Variants in CTNNA2 observed in about 807,000 individuals in gnomAD.
CTNNA2 encodes the protein catenin alpha-2.
CTNNA2 carries 42 observed loss-of-function variants against 101.0 expected under a neutral mutation model. The ratio of observed to expected loss-of-function variants is 0.42; its 90% confidence interval spans 0.32 to 0.54. The LOEUF (loss-of-function observed/expected upper bound fraction) is 0.54, where lower values mean the gene tolerates loss of function less well. CTNNA2 is among the 20% of genes least tolerant of loss of function. The pLI, the probability that CTNNA2 is intolerant of heterozygous loss-of-function variation, is 0.14. For missense variants in CTNNA2, 871 were observed against 1,223.1 expected (o/e 0.71, Z 4.29); for synonymous variants, 450 against 456.4 (o/e 0.99, Z 0.18).
intron 3 of CTNNA2, among the ~76,000 whole-genome samples, chr2:79,752,273 C>T (rs1287067753): frequency 6.6e-6 from 1 of 152,042 alleles, no homozygotes; most frequent in Non-Finnish European, 1.5e-5. Flanking sequence ...TGAAAAATAT[C>T]CAGCGAACAA....
chr2:79,486,686 C>T (rs1671161892), intron 4 of CTNNA2, among the ~76,000 whole-genome samples: 1 of 152,208 alleles, frequency 6.6e-6, no homozygotes, highest in African/African-American at 2.4e-5. Context: ...TTTACAGTCC[C>T]ACCAACTGTG....
At chr2:80,544,961 C>G in intron 9 of CTNNA2, 21 bp from the exon 10 acceptor site, 10 of 1,609,030 alleles carry the variant, frequency 6.2e-6, no homozygotes, top group Non-Finnish European at 8.5e-6. Context: ...CTAATATTCA[C>G]TAAAATCCTC....
Position 79,909,773 on chromosome 2 carries a change from C to T in CTNNA2, c.1032C>T (p.Asp344=). ...ACGCCGTGCGGCAGGCGCTCCAGGACCTGCTCAGCGAGTACATGAATAATG... is the reference window on the plus strand; with the variant it reads ...ACGCCGTGCGGCAGGCGCTCCAGGATCTGCTCAGCGAGTACATGAATAATG... ...ECNAVRQALQ[D]LLSEYMNNTG... The change falls in exon 7 of 19, where the codon GAC becomes GAT. Residue 344 remains aspartate, a synonymous_variant. Coordinates refer to ENST00000402739, the MANE Select transcript of CTNNA2 (RefSeq NM_001282597.3). The T allele has an allele frequency of 1.2e-6, 2 of 1,610,608 alleles. No homozygotes were observed. Among genetic ancestry groups the T allele is most frequent in the South Asian group, 1.1e-5 (1 of 90,532 alleles).
chr2:79,579,272 T>C (rs1445210724), intron 1 of CTNNA2, among the ~76,000 whole-genome samples: 2 of 142,524 alleles, frequency 1.4e-5, no homozygotes, highest in African/African-American at 5.1e-5. Flanking sequence ...CCTTCCTTCC[T>C]TCCTTCCTTC....
intron 4 of CTNNA2, among the ~76,000 whole-genome samples, chr2:79,497,431 C>G (rs1173941101): frequency 6.6e-6 from 1 of 152,208 alleles, no homozygotes; most frequent in Non-Finnish European, 1.5e-5. Context: ...TTTGTTCCTG[C>G]TGCTGTCATC....
At chr2:79,926,235 A>G (rs1457754663) in intron 7 of CTNNA2, among the ~76,000 whole-genome samples, 1 of 152,094 alleles carries the variant, frequency 6.6e-6, no homozygotes, top group Non-Finnish European at 1.5e-5. Context: ...ACTCTATGCC[A>G]TACCTTCCAG....
chr2:79,253,009 T>G lies in CTNNA2; in HGVS notation c.-406+54933T>G, dbSNP rs74515019. Among the ~76,000 whole-genome samples, 529 of 152,286 alleles carry G rather than the reference T, an allele frequency of 3.5e-3. 13 individuals are homozygous for G. The East Asian group carries it at 0.061, about 18-fold the overall frequency. ...TAGGGTAATACATGTTATAAAGCCT[T>G]TCCTTAGTGCCACTGTCATGGAAGC... On this transcript the variant is annotated intron_variant, in intron 2 of 21. Transcript: ENST00000466387.
At chr2:79,834,260 A>G (rs768902471) in intron 3 of CTNNA2, among the ~76,000 whole-genome samples, 9 of 152,076 alleles carry the variant, frequency 5.9e-5, no homozygotes, top group Non-Finnish European at 8.8e-5. Context: ...GACTAAAAGT[A>G]TAATTGATGA....
intron 7 of CTNNA2, among the ~76,000 whole-genome samples, chr2:80,243,339 T>C (rs2587149): frequency 0.65 from 99,030 of 151,936 alleles, 32,904 homozygotes; most frequent in African/African-American, 0.78. Flanking sequence ...TTTTATTTGA[T>C]GGTTTCCACG....
chr2:79,280,055 G>A (rs903191533), intron 2 of CTNNA2, among the ~76,000 whole-genome samples: 1 of 152,036 alleles, frequency 6.6e-6, no homozygotes, highest in African/African-American at 2.4e-5. Context: ...CATTAAAATG[G>A]TCATTTGAAA....
intron 7 of CTNNA2, among the ~76,000 whole-genome samples, chr2:80,347,964 C>A (rs1672922310): frequency 6.6e-6 from 1 of 151,406 alleles, no homozygotes; most frequent in African/African-American, 2.4e-5. Flanking sequence ...AGTCAGAGTG[C>A]CCGATTTTAT....
intron 8 of CTNNA2, among the ~76,000 whole-genome samples, chr2:80,398,096 G>T (rs1678195049): frequency 6.6e-6 from 1 of 152,154 alleles, no homozygotes; most frequent in Admixed American, 6.5e-5. Flanking sequence ...TGGGTCTCCA[G>T]CTGTTATGGT....
At chr2:79,627,304 A>G (rs1015363243) in intron 1 of CTNNA2, among the ~76,000 whole-genome samples, 50 of 152,378 alleles carry the variant, frequency 3.3e-4, no homozygotes, top group African/African-American at 1.1e-3. Flanking sequence ...AACAAGTTAC[A>G]GTACGAATCC....
At chr2:80,471,592 T>G (rs1003716127) in intron 9 of CTNNA2, among the ~76,000 whole-genome samples, 1 of 152,166 alleles carries the variant, frequency 6.6e-6, no homozygotes. Context: ...AGAGTGGTAT[T>G]AAAACAAAGG....
At chr2:79,801,299 C>G (rs1676134674) in intron 3 of CTNNA2, among the ~76,000 whole-genome samples, 1 of 152,098 alleles carries the variant, frequency 6.6e-6, no homozygotes, top group African/African-American at 2.4e-5. Context: ...GCTTTCTGCC[C>G]CAGGGTATGC....
At chr2:79,930,771 T>C (rs1223131194) in intron 7 of CTNNA2, among the ~76,000 whole-genome samples, 1 of 152,234 alleles carries the variant, frequency 6.6e-6, no homozygotes, top group East Asian at 1.9e-4. Context: ...AACTCTAGTA[T>C]GATTTCTTTA....
At chr2:79,761,732 A>G (rs1479491186) in intron 3 of CTNNA2, among the ~76,000 whole-genome samples, 1 of 152,216 alleles carries the variant, frequency 6.6e-6, no homozygotes, top group Non-Finnish European at 1.5e-5. Flanking sequence ...TGGTGTAGGC[A>G]GAAAGGAAAG....
intron 2 of CTNNA2, among the ~76,000 whole-genome samples, chr2:79,712,074 G>A (rs1452505951): frequency 6.6e-6 from 1 of 152,098 alleles, no homozygotes; most frequent in Admixed American, 6.5e-5. Context: ...GACAATAACT[G>A]CATTTATTGA....
chr2:80,067,138 G>C (rs973261701), intron 7 of CTNNA2, among the ~76,000 whole-genome samples: 1 of 152,116 alleles, frequency 6.6e-6, no homozygotes, highest in Non-Finnish European at 1.5e-5. Flanking sequence ...AGTTATATAG[G>C]AGGAATAAGT....
Sources: gnomAD v4.1 joint callset for allele counts (sites outside exome capture counted in the v4.1 genomes callset) on GRCh38, gnomAD v4.1.1 for gene constraint, MANE v1.5 for transcripts, NCBI Gene and HGNC (gene_info 2026-07-23, HGNC 2026-07-21) for gene names.